COG5: variants seen among roughly 807,000 people sequenced by gnomAD.
COG5 encodes component of oligomeric golgi complex 5.
In COG5, 86 loss-of-function variants were observed where a neutral mutation model predicts 110.4. The observed-to-expected ratio is 0.78, with a 90% CI of 0.65 to 0.93. The LOEUF is 0.93. Ranked by LOEUF, COG5 falls within the 40% of genes least tolerant of loss-of-function variation. The pLI is 0.00. For missense variants in COG5, 1,077 were observed against 987.0 expected (o/e 1.09, Z -1.22); for synonymous variants, 360 against 334.6 (o/e 1.08, Z -0.83).
intron 14 of COG5, among the ~76,000 whole-genome samples, chr7:107,272,942 C>G (rs988412500): frequency 6.6e-5 from 10 of 152,196 alleles, no homozygotes; most frequent in African/African-American, 2.2e-4. Flanking sequence ...AAGATTCAAA[C>G]AAGCTTGCTT....
chr7:107,492,295 C>A, intron 6 of COG5, among the ~76,000 whole-genome samples: 1 of 151,874 alleles, frequency 6.6e-6, no homozygotes, highest in South Asian at 2.1e-4. Context: ...AGTACTCTTT[C>A]CATGTAACTG....
At chr7:107,344,274 G>A (rs2129037705) in intron 10 of COG5, among the ~76,000 whole-genome samples, 1 of 152,250 alleles carries the variant, frequency 6.6e-6, no homozygotes, top group African/African-American at 2.4e-5. Context: ...TTCTACATTA[G>A]CACTTGCTGC....
rs115941408 is a variant in COG5 at position 107,288,286 on chromosome 7, G to A, written c.1314-4554C>T. Among the ~76,000 whole-genome samples the A allele has an allele frequency of 5.5e-3, 831 of 152,190 alleles. 5 individuals are homozygous for A. Among genetic ancestry groups the A allele is most frequent in the African/African-American group, 0.019 (802 of 41,530 alleles). ...GCTGAGGTGGAGGACTGCTTGAGCC[G>A]GAGAGTTAGAGGATGCAGTGAGCTG... On this transcript the variant is annotated intron_variant, in intron 12 of 21. Coordinates refer to ENST00000297135, the MANE Select transcript of COG5 (RefSeq NM_006348.5).
At chr7:107,367,721 T>C (rs1254651754) in intron 8 of COG5, among the ~76,000 whole-genome samples, 2 of 152,050 alleles carry the variant, frequency 1.3e-5, no homozygotes, top group Non-Finnish European at 2.9e-5. Flanking sequence ...CACTTATAAG[T>C]GGGAGCTAAG....
intron 13 of COG5, among the ~76,000 whole-genome samples, chr7:107,282,332 G>A (rs1358036998): frequency 2.0e-5 from 3 of 152,132 alleles, no homozygotes; most frequent in Non-Finnish European, 2.9e-5. Flanking sequence ...GTTGCACAGA[G>A]GAATGGGAGA....
chr7:107,287,046 C>T (rs930398163), intron 12 of COG5, among the ~76,000 whole-genome samples: 1 of 152,136 alleles, frequency 6.6e-6, no homozygotes, highest in Non-Finnish European at 1.5e-5. Context: ...ACAGACAGAA[C>T]AGGGTGGCCT....
intron 7 of COG5, among the ~76,000 whole-genome samples, chr7:107,398,317 A>T (rs1189533382): frequency 1.3e-5 from 2 of 152,224 alleles, no homozygotes; most frequent in Non-Finnish European, 2.9e-5. Flanking sequence ...GGAGTTCCCA[A>T]CGCCCCTGGG....
chr7:107,417,848 G>A (rs1406157321), intron 6 of COG5, among the ~76,000 whole-genome samples: 1 of 151,694 alleles, frequency 6.6e-6, no homozygotes, highest in African/African-American at 2.4e-5. Context: ...CTCCCTTTTT[G>A]TCTTAAATCC....
chr7:107,362,254 A>G, intron 9 of COG5, 54 bp downstream of exon 9: 4 of 1,470,124 alleles, frequency 2.7e-6, no homozygotes, highest in Middle Eastern at 1.7e-4. Context: ...CACAATTTGG[A>G]ATAACCAGGA....
intron 12 of COG5, among the ~76,000 whole-genome samples, chr7:107,285,922 T>G (rs538789732): frequency 7.3e-5 from 11 of 150,966 alleles, no homozygotes; most frequent in African/African-American, 2.7e-4. Context: ...AGGAGAGATA[T>G]ACACAAAAAT....
At chr7:107,411,994 C>G (rs1792335940) in intron 7 of COG5, among the ~76,000 whole-genome samples, 1 of 151,984 alleles carries the variant, frequency 6.6e-6, no homozygotes, top group Non-Finnish European at 1.5e-5. Context: ...GGAGAAATGT[C>G]AAGTCAAAAA....
intron 10 of COG5, among the ~76,000 whole-genome samples, chr7:107,345,061 T>C (rs1169479496): frequency 6.6e-6 from 1 of 152,142 alleles, no homozygotes; most frequent in African/African-American, 2.4e-5. Flanking sequence ...TGTAGGGTTA[T>C]TAATTGGCCT....
intron 6 of COG5, among the ~76,000 whole-genome samples, chr7:107,486,408 C>T (rs1797659986): frequency 6.6e-6 from 1 of 151,588 alleles, no homozygotes; most frequent in Admixed American, 6.6e-5. Flanking sequence ...TAAAATACAA[C>T]ATAATATATA....
intron 7 of COG5, among the ~76,000 whole-genome samples, chr7:107,406,684 T>A (rs1791864064): frequency 6.6e-6 from 1 of 152,196 alleles, no homozygotes; most frequent in South Asian, 2.1e-4. Context: ...TTTGACATGT[T>A]AAATTTATCC....
At chr7:107,211,917 T>A (rs1003802409) in intron 19 of COG5, among the ~76,000 whole-genome samples, 1 of 152,200 alleles carries the variant, frequency 6.6e-6, no homozygotes, top group African/African-American at 2.4e-5. Flanking sequence ...GAGAGCTGAT[T>A]AGAAGCGGAG....
At chr7:107,208,706 T>C in intron 21 of COG5, 1 of 985,368 alleles carries the variant, frequency 1.0e-6, no homozygotes, top group Non-Finnish European at 1.2e-6. Flanking sequence ...CATAGCTGAG[T>C]AACAGATAAG....
At position 107,525,763 on chromosome 7, in the gene COG5, G is replaced by C. The variant is rs76953054; in HGVS notation, c.538+1474C>G. On this transcript the variant is annotated intron_variant, in intron 6 of 21. Transcript: ENST00000297135. ...TTTACTTCTCAATTTTTACTTTTTA[G>C]AGCCAAGAGGAGATCTGTTCTGTTC... Among the ~76,000 whole-genome samples the C allele has an allele frequency of 5.5e-3, 840 of 151,692 alleles. 8 individuals carry two copies. The highest frequency in any genetic ancestry group is 0.02 in the African/African-American group (809 of 41,360).
intron 8 of COG5, among the ~76,000 whole-genome samples, chr7:107,369,020 A>G (rs1478863711): frequency 6.6e-6 from 1 of 152,146 alleles, no homozygotes; most frequent in African/African-American, 2.4e-5. Context: ...GCTGGATTCA[A>G]ACTCCTAGGC....
intron 6 of COG5, among the ~76,000 whole-genome samples, chr7:107,432,524 T>C (rs1327258317): frequency 2.0e-5 from 3 of 152,048 alleles, no homozygotes; most frequent in Admixed American, 1.3e-4. Flanking sequence ...CACAGGAAAA[T>C]ACCATAATGC....
Sources: allele counts gnomAD v4.1 joint callset (sites outside exome capture counted in the v4.1 genomes callset), GRCh38; gene constraint gnomAD v4.1.1; transcripts MANE v1.5; gene names NCBI Gene and HGNC (gene_info 2026-07-23, HGNC 2026-07-21).